The following DCHS2 variants were observed in gnomAD, a reference collection of about 807,000 sequenced individuals.
DCHS2 encodes the protein protocadherin-23.
Under a neutral mutation model 182.4 loss-of-function variants are expected in DCHS2, and 142 were observed. The observed-to-expected ratio is 0.78, with a 90% CI of 0.68 to 0.89. DCHS2 has a LOEUF of 0.89. Ranked by LOEUF, DCHS2 falls within the 40% of genes least tolerant of loss-of-function variation. The pLI, the probability that DCHS2 is intolerant of heterozygous loss-of-function variation, is 0.00. For synonymous variants in DCHS2, 1,740 were observed against 1,663.3 expected (o/e 1.05, Z -1.12); for missense variants, 4,319 against 4,198.6 (o/e 1.03, Z -0.79).
intron 1 of DCHS2, among the ~76,000 whole-genome samples, chr4:154,458,932 C>T (rs1734886026): frequency 6.6e-6 from 1 of 152,158 alleles, no homozygotes; most frequent in Admixed American, 6.5e-5. Flanking sequence ...CATTACAATA[C>T]TCTGATGTAC....
chr4:154,303,180 C>T (rs1379312444), intron 12 of DCHS2, among the ~76,000 whole-genome samples: 1 of 151,950 alleles, frequency 6.6e-6, no homozygotes, highest in African/African-American at 2.4e-5. Flanking sequence ...TGGGGTTTCA[C>T]CATGTTGGCC....
chr4:154,292,044 CA>C (rs1255483998), intron 13 of DCHS2, among the ~76,000 whole-genome samples: 1 of 152,120 alleles, frequency 6.6e-6, no homozygotes, highest in Non-Finnish European at 1.5e-5. Flanking sequence ...ATGCCTGTAT[CA>C]AAATATTTCA....
chr4:154,462,155 A>C (rs141755378), intron 1 of DCHS2, among the ~76,000 whole-genome samples: 2,581 of 152,276 alleles, frequency 0.017, 251 homozygotes, highest in Admixed American at 0.15. Flanking sequence ...TCCCCTTAAC[A>C]TAGAGTATCT....
chr4:154,259,536 T>G lies in DCHS2; in HGVS notation c.6789+9A>C, dbSNP rs1467036500. On this transcript the variant is annotated intron_variant, in intron 15 of 19. Transcript: ENST00000357232. ...CACACACACACACACACAAATATAT[T>G]TCTGTTACCTGTATGACATGAGCAT... The G allele has an allele frequency of 3.1e-6, 5 of 1,611,310 alleles. No individual in the cohort carries two copies. Among genetic ancestry groups the G allele is most frequent in the Non-Finnish European group, 4.2e-6 (5 of 1,179,354 alleles).
intron 1 of DCHS2, among the ~76,000 whole-genome samples, chr4:154,386,857 T>C (rs940730735): frequency 3.3e-5 from 5 of 152,200 alleles, no homozygotes; most frequent in African/African-American, 1.2e-4. Context: ...CAAACACTCA[T>C]TGAGAAATAA....
intron 16 of DCHS2, among the ~76,000 whole-genome samples, chr4:154,251,232 A>T (rs1052907068): frequency 6.6e-6 from 1 of 152,220 alleles, no homozygotes; most frequent in African/African-American, 2.4e-5. Flanking sequence ...CTTGCCTTGA[A>T]TATTTATTTA....
intron 3 of DCHS2, among the ~76,000 whole-genome samples, chr4:154,360,111 G>A (rs1730050048): frequency 6.6e-6 from 1 of 151,950 alleles, no homozygotes; most frequent in Non-Finnish European, 1.5e-5. Flanking sequence ...CTCTTAATCT[G>A]CAAATGAACA....
chr4:154,303,104 C>A (rs1735285741), intron 12 of DCHS2, among the ~76,000 whole-genome samples: 1 of 151,466 alleles, frequency 6.6e-6, no homozygotes, highest in South Asian at 2.1e-4. Flanking sequence ...GCCTCAGTCT[C>A]CCAAGTAGCT....
At chr4:154,428,896 C>A (rs373620700) in intron 1 of DCHS2, among the ~76,000 whole-genome samples, 13 of 150,536 alleles carry the variant, frequency 8.6e-5, no homozygotes, top group East Asian at 3.9e-4. Flanking sequence ...GGTGACAGAG[C>A]GAGACTCCAT....
At position 154,482,994 on chromosome 4, in the gene DCHS2, T is replaced by A. The variant is rs116776492; in HGVS notation, c.2052+6310A>T. ...AATACAACAAAATTACTCAACAGAA[T>A]TGAGGGCCTGGCTGATATTAAAATA... is the stretch of plus-strand genomic sequence containing the variant. On this transcript the variant is annotated intron_variant, in intron 1 of 19. Transcript: ENST00000357232. Among the ~76,000 whole-genome samples the A allele has an allele frequency of 1.9e-3, 295 of 152,278 alleles. 4 individuals are homozygous for A. Among genetic ancestry groups the A allele is most frequent in the African/African-American group, 6.8e-3 (282 of 41,566 alleles).
chr4:154,358,118 C>A (rs1029708667), intron 3 of DCHS2, among the ~76,000 whole-genome samples: 5 of 152,154 alleles, frequency 3.3e-5, no homozygotes, highest in Admixed American at 1.3e-4. Context: ...TGCATAAAGT[C>A]TCTGTGGAAT....
chr4:154,417,636 A>T (rs1017777056), intron 1 of DCHS2, among the ~76,000 whole-genome samples: 4 of 152,254 alleles, frequency 2.6e-5, no homozygotes, highest in Non-Finnish European at 5.9e-5. Flanking sequence ...TTCATTGTTT[A>T]TCTGAAATTC....
rs181957099 is a variant in DCHS2 at position 154,453,536 on chromosome 4, A to T, written c.2052+35768T>A. Among the ~76,000 whole-genome samples, 580 of 152,178 alleles carry T rather than the reference A, an allele frequency of 3.8e-3. 4 individuals carry two copies. The highest frequency in any genetic ancestry group is 6.4e-3 in the Non-Finnish European group (435 of 67,998). ...AGCCTCTCCTCGTCAATGCCTAAAC[A>T]TGTTGGGGCTGGGCTTTCCTGCTCA... is the stretch of plus-strand genomic sequence containing the variant. On this transcript the variant is annotated intron_variant, in intron 1 of 19. Coordinates refer to ENST00000357232, the MANE Select transcript of DCHS2 (RefSeq NM_001358235.2).
At chr4:154,320,334 C>T (rs1316815479) in intron 9 of DCHS2, 45 bp downstream of exon 9, 3 of 1,560,356 alleles carry the variant, frequency 1.9e-6, no homozygotes, top group Admixed American at 1.9e-5. Flanking sequence ...TTTCTTACCA[C>T]AATAAAATAA....
At position 154,235,621 on chromosome 4, in the gene DCHS2, T is replaced by G. The variant is rs1393619606; in HGVS notation, c.9031A>C (p.Ile3011Leu). Reference sequence around the variant, plus strand: ...TGTCTTAAAATCATTACAATTAGAATGCAGATGAGTATCAGAAACACTAAA... The same window carrying G: ...TGTCTTAAAATCATTACAATTAGAAGGCAGATGAGTATCAGAAACACTAAA... The part of the protein sequence containing the change: ...SFLVFLILIC[I>L]LIVMILRHKQ... Residue 3011 changes from isoleucine (I) to leucine (L), a missense_variant, in exon 20 of 20, where the codon ATT becomes CTT. Coordinates refer to ENST00000357232, the MANE Select transcript of DCHS2 (RefSeq NM_001358235.2). 3 of 1,613,948 alleles carry G rather than the reference T, an allele frequency of 1.9e-6. No individual in the cohort carries two copies. Among genetic ancestry groups the G allele is most frequent in the Non-Finnish European group, 2.5e-6 (3 of 1,179,942 alleles).
chr4:154,330,566 C>G (rs868434958), intron 5 of DCHS2, among the ~76,000 whole-genome samples: 44 of 152,080 alleles, frequency 2.9e-4, no homozygotes, highest in Middle Eastern at 6.8e-3. Context: ...GATTTCCTCA[C>G]CATTTATGAA....
chr4:154,373,881 G>A (rs757131459), intron 2 of DCHS2: 1 of 1,548,152 alleles, frequency 6.5e-7, no homozygotes, highest in Non-Finnish European at 8.8e-7. Context: ...GGCACCAGAT[G>A]TTAAAAGACT....
At chr4:154,299,884 G>A (rs928141585) in intron 12 of DCHS2, among the ~76,000 whole-genome samples, 17 of 152,182 alleles carry the variant, frequency 1.1e-4, no homozygotes, top group African/African-American at 4.1e-4. Context: ...AAAATCATAT[G>A]TACAGAGTGC....
chr4:154,490,058 C>T lies in DCHS2; in HGVS notation c.1298G>A (p.Gly433Asp). Residue 433 changes from glycine to aspartate, a missense_variant, in exon 1 of 20, where the codon GGC (glycine) becomes GAC (aspartate). Gly to Asp is a moderately conservative substitution (Grantham distance 94). Coordinates refer to ENST00000357232, the MANE Select transcript of DCHS2 (RefSeq NM_001358235.2). ...VARVSEGARP[G>D]DYVARVSVSD... The stretch of plus-strand genomic sequence containing the variant: ...CACCGAGACGCGAGCCACGTAGTCG[C>T]CCGGTCGGGCGCCTTCAGAGACACG... The T allele has an allele frequency of 6.5e-7, 1 of 1,549,090 alleles. No homozygotes were observed. The highest frequency in any genetic ancestry group is 1.2e-5 in the South Asian group (1 of 84,042).
Sources: gnomAD v4.1 joint callset for allele counts (sites outside exome capture counted in the v4.1 genomes callset) on GRCh38, gnomAD v4.1.1 for gene constraint, MANE v1.5 for transcripts, NCBI Gene and HGNC (gene_info 2026-07-23, HGNC 2026-07-21) for gene names.